ZBTB40: variants seen among roughly 807,000 people sequenced by gnomAD.
ZBTB40 encodes the protein zinc finger and BTB domain-containing protein 40.
A neutral mutation model predicts 117.5 loss-of-function variants in ZBTB40; 60 were observed. That is an observed-to-expected ratio of 0.51 (90% confidence interval 0.41 to 0.63). ZBTB40 has a LOEUF of 0.63. Ranked by LOEUF, ZBTB40 falls within the 30% of genes least tolerant of loss-of-function variation. The pLI is 0.00. For missense variants in ZBTB40, 1,287 were observed against 1,498.5 expected (o/e 0.86, Z 2.33); for synonymous variants, 525 against 577.1 (o/e 0.91, Z 1.29).
intron 1 of ZBTB40, among the ~76,000 whole-genome samples, chr1:22,475,210 G>A (rs1379256410): frequency 2.6e-5 from 4 of 152,156 alleles, no homozygotes; most frequent in African/African-American, 9.7e-5. Context: ...CCTTCCTAGT[G>A]CTAATGTGTT....
intron 1 of ZBTB40, among the ~76,000 whole-genome samples, chr1:22,468,754 C>T (rs1383789134): frequency 2.7e-5 from 4 of 149,746 alleles, no homozygotes; most frequent in Non-Finnish European, 5.9e-5. Context: ...CTGCCTTGGC[C>T]TCCCAAAATG....
chr1:22,492,227 A>G (rs1638652243), intron 3 of ZBTB40, among the ~76,000 whole-genome samples: 1 of 152,200 alleles, frequency 6.6e-6, no homozygotes, highest in African/African-American at 2.4e-5. Context: ...TCCCTTACAC[A>G]CTGAGTTTAT....
At chr1:22,507,284 T>A (rs1029822661) in intron 6 of ZBTB40, among the ~76,000 whole-genome samples, 1 of 152,212 alleles carries the variant, frequency 6.6e-6, no homozygotes, top group African/African-American at 2.4e-5. Flanking sequence ...GTATAATACA[T>A]GTAAAACATT....
At chr1:22,509,380 T>C in intron 9 of ZBTB40, 147 bp downstream of exon 9, 3 of 1,235,802 alleles carry the variant, frequency 2.4e-6, no homozygotes, top group Non-Finnish European at 3.4e-6. Context: ...AGAGTCTTGC[T>C]CTGTCGCCCA....
rs550471414 is a variant in ZBTB40, at chr1:22,516,729, C to T, written c.2669-571C>T. Among the ~76,000 whole-genome samples, 5 of 152,314 alleles carry T rather than the reference C, an allele frequency of 3.3e-5. No homozygotes were observed. The East Asian group carries it at 9.6e-4, about 29-fold the overall frequency. On this transcript the variant is annotated intron_variant, in intron 12 of 17. Coordinates refer to ENST00000375647, the MANE Select transcript of ZBTB40 (RefSeq NM_014870.4). Reference sequence around the variant, plus strand: ...GGTTCAGTTGGTCTAGCATTTCTCACAAATGCCAGTTCTCCAGACTTGTTC... The same window carrying T: ...GGTTCAGTTGGTCTAGCATTTCTCATAAATGCCAGTTCTCCAGACTTGTTC...
At chr1:22,516,614 C>T (rs920557105) in intron 12 of ZBTB40, among the ~76,000 whole-genome samples, 2 of 152,100 alleles carry the variant, frequency 1.3e-5, no homozygotes, top group African/African-American at 4.8e-5. Context: ...GCTGCTTGTC[C>T]TAGTTGTGGT....
chr1:22,473,361 T>C (rs1052786605), intron 1 of ZBTB40, among the ~76,000 whole-genome samples: 2 of 152,204 alleles, frequency 1.3e-5, no homozygotes, highest in Non-Finnish European at 2.9e-5. Flanking sequence ...TCTGTTCCTC[T>C]ACTGATTTGC....
At chr1:22,454,788 G>C (rs1640966991) in intron 1 of ZBTB40, among the ~76,000 whole-genome samples, 1 of 152,210 alleles carries the variant, frequency 6.6e-6, no homozygotes, top group South Asian at 2.1e-4. Flanking sequence ...CTCCTCAAAG[G>C]GTTGTGCAGA....
intron 1 of ZBTB40, among the ~76,000 whole-genome samples, chr1:22,485,353 G>A (rs543368281): frequency 6.6e-6 from 1 of 152,130 alleles, no homozygotes; most frequent in Non-Finnish European, 1.5e-5. Flanking sequence ...GTCTATTGCT[G>A]CGTGTGTGAG....
At chr1:22,444,131 C>A (rs559777647) in intron 1 of ZBTB40, among the ~76,000 whole-genome samples, 1 of 152,206 alleles carries the variant, frequency 6.6e-6, no homozygotes, top group African/African-American at 2.4e-5. Context: ...AACAATTGGT[C>A]GCTGGGTGCG....
intron 5 of ZBTB40, 89 bp downstream of exon 5, chr1:22,502,530 C>A: frequency 6.4e-7 from 1 of 1,557,090 alleles, no homozygotes; most frequent in Non-Finnish European, 8.8e-7. Flanking sequence ...TTATACTTTG[C>A]AGTATTTTAA....
At chr1:22,477,671 A>C (rs1288236652) in intron 1 of ZBTB40, among the ~76,000 whole-genome samples, 2 of 151,896 alleles carry the variant, frequency 1.3e-5, no homozygotes, top group African/African-American at 4.8e-5. Flanking sequence ...AAAGAAAAGA[A>C]AAGAAAGAAA....
intron 1 of ZBTB40, among the ~76,000 whole-genome samples, chr1:22,456,459 A>G (rs917576399): frequency 6.6e-6 from 1 of 152,234 alleles, no homozygotes; most frequent in African/African-American, 2.4e-5. Flanking sequence ...CAAGAGACCC[A>G]TGAATCCTTT....
intron 1 of ZBTB40, among the ~76,000 whole-genome samples, chr1:22,445,759 G>A (rs1640781191): frequency 6.6e-6 from 1 of 151,778 alleles, no homozygotes; most frequent in Non-Finnish European, 1.5e-5. Flanking sequence ...GGAGGCTGAG[G>A]CAGCAGAATT....
At chr1:22,446,996 A>G (rs1425848999), upstream of ZBTB40, among the ~76,000 whole-genome samples, 3 of 151,924 alleles carry the variant, frequency 2.0e-5, no homozygotes, top group East Asian at 5.8e-4. Flanking sequence ...CCAGCTACTC[A>G]GGGAGATGAG....
chr1:22,524,102 C>A (rs903076465), intron 16 of ZBTB40, 116 bp from the exon 17 acceptor site: 8 of 985,516 alleles, frequency 8.1e-6, no homozygotes, highest in Non-Finnish European at 1.3e-5. Flanking sequence ...TGTGGATCCG[C>A]CTCCAAGCCT....
At chr1:22,500,464 A>G (rs1203498009) in intron 3 of ZBTB40, among the ~76,000 whole-genome samples, 3 of 152,236 alleles carry the variant, frequency 2.0e-5, no homozygotes, top group African/African-American at 4.8e-5. Context: ...GGGAGCATAT[A>G]AAAGGAGAAA....
chr1:22,493,037 C>T (rs1035409664), intron 3 of ZBTB40, among the ~76,000 whole-genome samples: 1 of 152,164 alleles, frequency 6.6e-6, no homozygotes, highest in Non-Finnish European at 1.5e-5. Context: ...CACCTTTATA[C>T]TTAGTTGAAC....
At chr1:22,455,539 G>A (rs1462930152) in intron 1 of ZBTB40, among the ~76,000 whole-genome samples, 1 of 152,144 alleles carries the variant, frequency 6.6e-6, no homozygotes, top group East Asian at 1.9e-4. Context: ...TTAATGCAAT[G>A]TTAAACAACA....
Sources: gnomAD v4.1 joint callset for allele counts (sites outside exome capture counted in the v4.1 genomes callset) on GRCh38, gnomAD v4.1.1 for gene constraint, MANE v1.5 for transcripts, NCBI Gene and HGNC (gene_info 2026-07-23, HGNC 2026-07-21) for gene names.